The following PDE6A variants were observed in gnomAD, a reference collection of about 807,000 sequenced individuals.
PDE6A encodes the protein phosphodiesterase 6A.
PDE6A carries 84 observed loss-of-function variants against 106.3 expected under a neutral mutation model. The ratio of observed to expected loss-of-function variants is 0.79; its 90% CI spans 0.66 to 0.95. The LOEUF (loss-of-function observed/expected upper bound fraction) is 0.95. Ranked by LOEUF, PDE6A falls within the 40% of genes least tolerant of loss-of-function variation. The pLI is 0.00. For missense variants in PDE6A, 1,052 were observed against 1,084.9 expected (o/e 0.97, Z 0.43); for synonymous variants, 394 against 386.6 (o/e 1.02, Z -0.23).
At position 149,870,367 on chromosome 5, in the gene PDE6A, T is replaced by A. The variant is rs545844315; in HGVS notation, c.2136-2209A>T. On this transcript the variant is annotated intron_variant, in intron 17 of 21. Coordinates refer to ENST00000255266, the MANE Select transcript of PDE6A (RefSeq NM_000440.3). ...TGCTTTATAATAACCTCAGAATACA[T>A]GCCCTGTGCTTTAATAAGTGCTGTG... 1.5e-4 allele frequency among the ~76,000 whole-genome samples: 23 copies of A among 152,358 alleles called. No individual in the cohort carries two copies. The South Asian group carries it at 4.1e-3, about 27-fold the overall frequency.
At chr5:149,928,231 ATT>A (rs1165259453) in intron 4 of PDE6A, among the ~76,000 whole-genome samples, 4 of 19,754 alleles carry the variant, frequency 2.0e-4, no homozygotes, top group Non-Finnish European at 1.7e-4. Flanking sequence ...ATATATATAT[ATT>A]TTTTTTTTTT....
In PDE6A at chr5:149,944,564, A is replaced by C; in HGVS notation, c.110T>G (p.Leu37Arg). Residue 37 changes from leucine to arginine, a missense_variant, in exon 1 of 22, where the codon CTT becomes CGT. Coordinates refer to ENST00000255266, the MANE Select transcript of PDE6A (RefSeq NM_000440.3). ...GTCCACGGCAGCCTCCTTGGCCCCAAGGAGGTCGGAGATGAGCTTGGCCCG... is the reference window on the plus strand; with the variant it reads ...GTCCACGGCAGCCTCCTTGGCCCCACGGAGGTCGGAGATGAGCTTGGCCCG... ...HYRAKLISDL[L>R]GAKEAAVDFS... The C allele has an allele frequency of 1.9e-6, 3 of 1,614,028 alleles. No homozygotes were observed. The highest frequency in any genetic ancestry group is 1.3e-5 in the African/African-American group (1 of 75,012).
At chr5:149,936,731 C>A (rs548570398) in intron 1 of PDE6A, among the ~76,000 whole-genome samples, 26 of 152,252 alleles carry the variant, frequency 1.7e-4, no homozygotes, top group African/African-American at 6.3e-4. Context: ...TTATCAAAGG[C>A]AGAAGGAGAC....
chr5:149,928,067 T>G (rs1024972526), intron 4 of PDE6A, among the ~76,000 whole-genome samples: 9 of 151,072 alleles, frequency 6.0e-5, no homozygotes, highest in Non-Finnish European at 1.0e-4. Flanking sequence ...TACAGTTAAC[T>G]TTTTTCTTTT....
chr5:149,905,148 T>C (rs987065663), intron 7 of PDE6A, among the ~76,000 whole-genome samples: 8 of 152,150 alleles, frequency 5.3e-5, no homozygotes, highest in African/African-American at 1.9e-4. Flanking sequence ...ACTTTCCACT[T>C]CCAGAGAGAC....
At chr5:149,878,498 G>T (rs1760819680) in intron 17 of PDE6A, among the ~76,000 whole-genome samples, 1 of 152,108 alleles carries the variant, frequency 6.6e-6, no homozygotes, top group Non-Finnish European at 1.5e-5. Flanking sequence ...CATACACTTG[G>T]TGCACATGTG....
intron 17 of PDE6A, among the ~76,000 whole-genome samples, chr5:149,877,520 C>G (rs1760785565): frequency 6.6e-6 from 1 of 152,172 alleles, no homozygotes; most frequent in Non-Finnish European, 1.5e-5. Context: ...AGCAATTCTC[C>G]TGCCTCAGCC....
intron 4 of PDE6A, among the ~76,000 whole-genome samples, chr5:149,924,896 T>C (rs1197500710): frequency 1.3e-5 from 2 of 152,070 alleles, no homozygotes; most frequent in Non-Finnish European, 2.9e-5. Context: ...GAGGACAAAA[T>C]TGGAATTCAG....
Position 149,915,003 on chromosome 5 carries a change from AT to A in PDE6A, c.937del (p.Ile313LeufsTer30). 6.5e-7 allele frequency: 1 copy of A among 1,534,626 alleles called. No homozygotes were observed. The highest frequency in any genetic ancestry group is 8.9e-7 in the Non-Finnish European group (1 of 1,118,564). On this transcript the variant is annotated frameshift_variant, in exon 6 of 22. Coordinates refer to ENST00000255266, the MANE Select transcript of PDE6A (RefSeq NM_000440.3). LOFTEE classifies it high-confidence loss of function. Reference protein sequence around the residue: ...SGPRTPDGREINFYKVIDYIL... With the variant: ...SGPRTPDGREXNFYKVIDYIL... The stretch of plus-strand genomic sequence containing the variant: ...GTAGTCAATGACCTTGTAAAAGTTA[AT>A]TTCCTGGCAAAAGAGAGAAAAATTA...
rs139735175 is a variant in PDE6A, at chr5:149,930,284, A to G, written c.858+744T>C. 7.0e-3 allele frequency among the ~76,000 whole-genome samples: 1,067 copies of G among 152,322 alleles called. 14 individuals carry two copies. Among genetic ancestry groups the G allele is most frequent in the African/African-American group, 0.024 (1,009 of 41,576 alleles). On this transcript the variant is annotated intron_variant, in intron 4 of 21. Coordinates refer to ENST00000255266, the MANE Select transcript of PDE6A (RefSeq NM_000440.3). ...GATTCTGTGATCCATGTATTCACTC[A>G]ATCCAATATATTTGGAGAGTCTGCA...
chr5:149,879,450 G>A (rs964080687), intron 17 of PDE6A, among the ~76,000 whole-genome samples: 1 of 149,636 alleles, frequency 6.7e-6, no homozygotes, highest in Non-Finnish European at 1.5e-5. Flanking sequence ...TATACTTTAA[G>A]TTTTAGGGTA....
chr5:149,934,078 A>T, intron 2 of PDE6A, 59 bp from the exon 3 acceptor site: 2 of 925,790 alleles, frequency 2.2e-6, no homozygotes, highest in Non-Finnish European at 3.5e-6. Flanking sequence ...TCCTCTGGCT[A>T]CTTTTACCAT....
chr5:149,940,427 C>T (rs1434294440), intron 1 of PDE6A, among the ~76,000 whole-genome samples: 5 of 152,084 alleles, frequency 3.3e-5, no homozygotes, highest in East Asian at 1.9e-4. Context: ...GGGAGCCCAC[C>T]GGGTATGCTT....
intron 4 of PDE6A, among the ~76,000 whole-genome samples, chr5:149,922,294 C>T (rs1307920286): frequency 1.4e-5 from 2 of 144,688 alleles, no homozygotes; most frequent in African/African-American, 2.7e-5. Context: ...ACATTTACAA[C>T]AAATTATTAT....
intron 13 of PDE6A, among the ~76,000 whole-genome samples, chr5:149,887,341 G>A (rs1345620132): frequency 6.6e-6 from 1 of 152,168 alleles, no homozygotes; most frequent in African/African-American, 2.4e-5. Context: ...CACTGTATAT[G>A]AGGTGCATAG....
At chr5:149,921,498 G>A in intron 5 of PDE6A, 137 bp downstream of exon 5, 1 of 677,946 alleles carries the variant, frequency 1.5e-6, no homozygotes, top group Non-Finnish European at 2.6e-6. Context: ...GAATATGAGA[G>A]ATTATTCTAA....
At position 149,860,640 on chromosome 5, in the gene PDE6A, T is replaced by G; in HGVS notation, c.*255A>C. The G allele has an allele frequency of 2.5e-6, 1 of 399,022 alleles. No individual in the cohort carries two copies. 24.7% of individuals were successfully genotyped at this position (399,022 alleles called of 1,614,324 possible). A position where few individuals can be genotyped will look rare whatever the true frequency, so the allele number is the denominator to read the frequency against. ...AACTTTCTTAAAACATTATGAAATT[T>G]TTTTTTTTGGCGATTTTTTTTTTTA... On this transcript the variant is annotated 3_prime_UTR_variant, in exon 22 of 22. Coordinates refer to ENST00000255266, the MANE Select transcript of PDE6A (RefSeq NM_000440.3).
At chr5:149,933,816 G>A in intron 3 of PDE6A, 114 bp downstream of exon 3, 1 of 747,204 alleles carries the variant, frequency 1.3e-6, no homozygotes, top group Non-Finnish European at 2.4e-6. Context: ...CGTGATGCTG[G>A]CCAGAGACTG....
At chr5:149,926,860 C>T (rs908186768) in intron 4 of PDE6A, among the ~76,000 whole-genome samples, 1 of 151,912 alleles carries the variant, frequency 6.6e-6, no homozygotes, top group Admixed American at 6.6e-5. Flanking sequence ...GGCCTGTAAT[C>T]CCAGCTACTT....
Sources: allele counts gnomAD v4.1 joint callset (sites outside exome capture counted in the v4.1 genomes callset), GRCh38; gene constraint gnomAD v4.1.1; transcripts MANE v1.5; gene names NCBI Gene and HGNC (gene_info 2026-07-23, HGNC 2026-07-21).